CLSTN2: variants seen among roughly 807,000 people sequenced by gnomAD.
CLSTN2 encodes calsyntenin-2.
CLSTN2 carries 48 observed loss-of-function variants against 101.2 expected under a neutral mutation model. That is an observed-to-expected ratio of 0.47 (90% CI 0.38 to 0.60). The LOEUF (loss-of-function observed/expected upper bound fraction) is 0.60. Ranked by LOEUF, CLSTN2 falls within the 20% of genes least tolerant of loss-of-function variation. The pLI is 0.00. For missense variants in CLSTN2, 1,160 were observed against 1,238.2 expected (o/e 0.94, Z 0.95); for synonymous variants, 481 against 463.6 (o/e 1.04, Z -0.48).
intron 4 of CLSTN2, among the ~76,000 whole-genome samples, chr3:140,414,541 A>G (rs112430677): frequency 3.5e-4 from 54 of 152,158 alleles, no homozygotes; most frequent in African/African-American, 1.3e-3. Context: ...ATACAGAGTG[A>G]TATAATGCAC....
intron 1 of CLSTN2, among the ~76,000 whole-genome samples, chr3:140,174,049 C>G (rs779077207): frequency 6.6e-6 from 1 of 152,182 alleles, no homozygotes; most frequent in Non-Finnish European, 1.5e-5. Flanking sequence ...ATTTTCTTTT[C>G]TATCGCATTG....
chr3:140,403,656 G>C lies in CLSTN2; in HGVS notation c.260G>C (p.Gly87Ala). ...AGEICAFKIH[G>A]QELPFEAVVL... ...GAAATCTGTGCGTTCAAGATCCATGGCCAGGAGCTGCCCTTTGAGGCTGTG... is the reference window on the plus strand; with the variant it reads ...GAAATCTGTGCGTTCAAGATCCATGCCCAGGAGCTGCCCTTTGAGGCTGTG... Residue 87 changes from glycine to alanine, a missense_variant, in exon 3 of 17, where the codon GGC (glycine) becomes GCC (alanine). Gly to Ala is a moderately conservative substitution (Grantham distance 60). Transcript: ENST00000458420. 1 of 1,613,388 alleles carries C rather than the reference G, an allele frequency of 6.2e-7. No homozygotes were observed. The highest frequency in any genetic ancestry group is 8.5e-7 in the Non-Finnish European group (1 of 1,179,664).
intron 1 of CLSTN2, among the ~76,000 whole-genome samples, chr3:140,144,823 G>T (rs574861230): frequency 6.6e-6 from 1 of 152,296 alleles, no homozygotes; most frequent in South Asian, 2.1e-4. Flanking sequence ...CACCCAACAG[G>T]CTGCACATTC....
intron 15 of CLSTN2, 103 bp downstream of exon 15, chr3:140,563,306 G>T: frequency 7.4e-7 from 1 of 1,355,094 alleles, no homozygotes; most frequent in African/African-American, 1.4e-5. Context: ...TAGGTGCCCA[G>T]AACTGAGGGA....
At chr3:140,008,330 G>A (rs2006999296) in intron 1 of CLSTN2, among the ~76,000 whole-genome samples, 1 of 152,230 alleles carries the variant, frequency 6.6e-6, no homozygotes, top group South Asian at 2.1e-4. Context: ...ATTGCCCCTG[G>A]CATCCTTTTC....
Position 140,483,513 on chromosome 3 carries a change from G to A in CLSTN2, c.1344+16782G>A, listed in dbSNP as rs946610963. On this transcript the variant is annotated intron_variant, in intron 8 of 16. Coordinates refer to ENST00000458420, the MANE Select transcript of CLSTN2 (RefSeq NM_022131.3). ...TGCATATCCTTGTTAACTTTCTGTC[G>A]CATTGATCTGTCTAATGTTGACAGT... 1.2e-4 allele frequency among the ~76,000 whole-genome samples: 18 copies of A among 151,164 alleles called. No individual in the cohort carries two copies. In the East Asian group the frequency reaches 1.5e-3, roughly 13 times the overall value.
intron 1 of CLSTN2, among the ~76,000 whole-genome samples, chr3:140,153,273 T>C (rs2009896679): frequency 6.6e-6 from 1 of 152,200 alleles, no homozygotes. Flanking sequence ...GCACTGGTAA[T>C]ATAAGGGGCT....
At chr3:140,197,560 A>G (rs1027663199) in intron 2 of CLSTN2, among the ~76,000 whole-genome samples, 1 of 152,196 alleles carries the variant, frequency 6.6e-6, no homozygotes, top group African/African-American at 2.4e-5. Context: ...ATAGATGGGC[A>G]TTACTCGTTC....
rs375930718 is a variant in CLSTN2 at position 140,562,435 on chromosome 3, T to C, written c.2212+127T>C. ...AGCCCCAGGGACCAGTTGGAGATCC[T>C]TGGCCTCAAGCATGGATTTCTAGAC... On this transcript the variant is annotated intron_variant, in intron 13 of 16. Transcript: ENST00000458420. 4.5e-4 allele frequency: 420 copies of C among 942,590 alleles called. 1 individual carries two copies. The highest frequency in any genetic ancestry group is 4.4e-3 in the African/African-American group (265 of 60,412). 58.4% of individuals were successfully genotyped at this position (942,590 alleles called of 1,614,324 possible). A position where few individuals can be genotyped will look rare whatever the true frequency, so the allele number is the denominator to read the frequency against.
chr3:140,271,853 T>C (rs2086745037), intron 2 of CLSTN2, among the ~76,000 whole-genome samples: 2 of 152,222 alleles, frequency 1.3e-5, no homozygotes, highest in African/African-American at 4.8e-5. Context: ...GCTTGTATAA[T>C]GCAGACACCA....
intron 8 of CLSTN2, among the ~76,000 whole-genome samples, chr3:140,526,364 A>AAAAG (rs1935138440): frequency 6.6e-6 from 1 of 152,100 alleles, no homozygotes; most frequent in African/African-American, 2.4e-5. Flanking sequence ...CCAAGGAGGT[A>AAAAG]AAAGATCTCT....
At chr3:140,267,362 T>C (rs1404278318) in intron 2 of CLSTN2, among the ~76,000 whole-genome samples, 1 of 152,168 alleles carries the variant, frequency 6.6e-6, no homozygotes, top group Non-Finnish European at 1.5e-5. Context: ...GTGTCTCTGA[T>C]GTAGAATGCC....
intron 1 of CLSTN2, among the ~76,000 whole-genome samples, chr3:140,003,379 G>C (rs1253479856): frequency 6.6e-6 from 1 of 152,084 alleles, no homozygotes; most frequent in Non-Finnish European, 1.5e-5. Flanking sequence ...AAACACTACT[G>C]ATTTTTGTAT....
chr3:140,515,483 G>GACTT (rs1427496478), intron 8 of CLSTN2, among the ~76,000 whole-genome samples: 1 of 152,098 alleles, frequency 6.6e-6, no homozygotes, highest in African/African-American at 2.4e-5. Context: ...TGCTCTTTCA[G>GACTT]ACTTACTGAT....
chr3:139,946,152 T>C (rs1935211599), intron 1 of CLSTN2, among the ~76,000 whole-genome samples: 1 of 152,136 alleles, frequency 6.6e-6, no homozygotes. Flanking sequence ...GCCCTTAGGA[T>C]GTATGATTTA....
In CLSTN2 at chr3:140,546,655, T is replaced by G; in HGVS notation, c.1648T>G (p.Leu550Val). The change falls in exon 10 of 17, where the codon TTG becomes GTG. Residue 550 changes from leucine (L) to valine (V), a missense_variant. Coordinates refer to ENST00000458420, the MANE Select transcript of CLSTN2 (RefSeq NM_022131.3). Reference sequence around the variant, plus strand: ...CAAGGAAGGGCTGGACATTAATTCCTTGGAAAGCCTTGGCCAAGGAATAAA... The same window carrying G: ...CAAGGAAGGGCTGGACATTAATTCCGTGGAAAGCCTTGGCCAAGGAATAAA... ...ACKEGLDINS[L>V]ESLGQGIKYH... The G allele has an allele frequency of 6.2e-7, 1 of 1,613,244 alleles. No homozygotes were observed. Among genetic ancestry groups the G allele is most frequent in the Non-Finnish European group, 8.5e-7 (1 of 1,179,802 alleles).
intron 2 of CLSTN2, among the ~76,000 whole-genome samples, chr3:140,294,493 G>A (rs142802901): frequency 4.2e-4 from 63 of 151,528 alleles, no homozygotes; most frequent in African/African-American, 1.4e-3. Context: ...TTGTTCCCCA[G>A]CTCCTAAAGG....
At chr3:140,522,351 T>C (rs765778191) in intron 8 of CLSTN2, among the ~76,000 whole-genome samples, 9 of 133,300 alleles carry the variant, frequency 6.8e-5, no homozygotes, top group Non-Finnish European at 1.0e-4. Context: ...GTCCAGCCTC[T>C]TTTTACTAGT....
chr3:140,209,479 G>T (rs902987562), intron 2 of CLSTN2, among the ~76,000 whole-genome samples: 2 of 152,152 alleles, frequency 1.3e-5, no homozygotes, highest in Non-Finnish European at 2.9e-5. Flanking sequence ...TCTCAATTCT[G>T]GAAGTAGGTT....
Sources: allele counts gnomAD v4.1 joint callset (sites outside exome capture counted in the v4.1 genomes callset), GRCh38; gene constraint gnomAD v4.1.1; transcripts MANE v1.5; gene names NCBI Gene and HGNC (gene_info 2026-07-23, HGNC 2026-07-21).